The following ODAD4 variants were observed in gnomAD, a reference collection of about 807,000 sequenced individuals.
ODAD4 encodes the protein outer dynein arm-docking complex subunit 4.
In ODAD4, 49 loss-of-function variants were observed where a neutral mutation model predicts 51.8. The ratio of observed to expected loss-of-function variants is 0.95; its 90% confidence interval spans 0.75 to 1.20. The LOEUF (loss-of-function observed/expected upper bound fraction) is 1.20, where lower values mean the gene tolerates loss of function less well. Among genes scored for constraint, ODAD4 ranks in the 50% most tolerant of loss-of-function variants. ODAD4 has a pLI of 0.00. For missense variants in ODAD4, 590 were observed against 586.5 expected (o/e 1.01, Z -0.06); for synonymous variants, 235 against 221.3 (o/e 1.06, Z -0.55).
Position 41,938,612 on chromosome 17 carries a change from G to A in ODAD4, c.681G>A (p.Thr227=), listed in dbSNP as rs782085087. ...TGACTGTGGAGGACCTCATCATGAC[G>A]GGCATCAACTACCTGGATACTCACA... The part of the protein sequence containing the change: ...GGLTVEDLIM[T]GINYLDTHSN... Residue 227 remains threonine (T), a synonymous_variant, in exon 6 of 12, where the codon ACG becomes ACA. Transcript: ENST00000377540. 3.8e-5 allele frequency: 62 copies of A among 1,613,768 alleles called. No individual in the cohort carries two copies. The Middle Eastern group carries it at 6.6e-4, about 17-fold the overall frequency.
chr17:41,945,765 T>G (rs1391226646), intron 8 of ODAD4, among the ~76,000 whole-genome samples: 9 of 149,088 alleles, frequency 6.0e-5, no homozygotes, highest in Admixed American at 6.0e-4. Context: ...GCCGAACACG[T>G]TGGCACGTGC....
At chr17:41,946,201 A>G (rs2050583548) in intron 8 of ODAD4, among the ~76,000 whole-genome samples, 1 of 152,172 alleles carries the variant, frequency 6.6e-6, no homozygotes, top group African/African-American at 2.4e-5. Context: ...TTGTCTCTTA[A>G]TGTGCATGCC....
intron 8 of ODAD4, among the ~76,000 whole-genome samples, chr17:41,947,303 C>G (rs2050602112): frequency 1.4e-5 from 2 of 147,674 alleles, no homozygotes; most frequent in African/African-American, 2.5e-5. Context: ...GAAACACTGT[C>G]TCTACTAAAA....
intron 9 of ODAD4, among the ~76,000 whole-genome samples, chr17:41,954,507 C>G (rs551823811): frequency 1.3e-5 from 2 of 152,028 alleles, no homozygotes; most frequent in Non-Finnish European, 2.9e-5. Flanking sequence ...ATCCAGCCCT[C>G]TGTGCTTTGG....
At chr17:41,932,713 T>TTTTTC (rs1189650552) in intron 1 of ODAD4, among the ~76,000 whole-genome samples, 3 of 139,246 alleles carry the variant, frequency 2.2e-5, no homozygotes, top group Non-Finnish European at 4.6e-5. Flanking sequence ...CCTGGCTAAT[T>TTTTTC]TTTTCTTTTC....
intron 10 of ODAD4, among the ~76,000 whole-genome samples, chr17:41,957,708 G>T (rs2050751666): frequency 6.6e-6 from 1 of 152,160 alleles, no homozygotes; most frequent in African/African-American, 2.4e-5. Flanking sequence ...GCTTCCTGCT[G>T]GTCAGTCCCC....
Position 41,954,875 on chromosome 17 carries a change from C to T in ODAD4, c.1343-342C>T, listed in dbSNP as rs138989188. Among the ~76,000 whole-genome samples the T allele has an allele frequency of 2.0e-3, 308 of 151,476 alleles. 1 individual carries two copies. Among genetic ancestry groups the T allele is most frequent in the African/African-American group, 7.1e-3 (292 of 41,320 alleles). ...CAAAAAAAAAAAAAAAAAAATTCGT[C>T]TTCCAGAACAATCTAAAGATGGAGC... On this transcript the variant is annotated intron_variant, in intron 9 of 11. Coordinates refer to ENST00000377540, the MANE Select transcript of ODAD4 (RefSeq NM_031421.5).
At chr17:41,932,383 T>C (rs1411499995) in intron 1 of ODAD4, among the ~76,000 whole-genome samples, 1 of 152,112 alleles carries the variant, frequency 6.6e-6, no homozygotes, top group African/African-American at 2.4e-5. Context: ...TACTCAATTT[T>C]ATAGATTAGG....
intron 8 of ODAD4, among the ~76,000 whole-genome samples, chr17:41,947,011 T>C (rs1170444031): frequency 4.7e-4 from 71 of 151,578 alleles, no homozygotes; most frequent in African/African-American, 1.7e-3. Context: ...CCACCACGCC[T>C]GGCTAATTTT....
intron 1 of ODAD4, among the ~76,000 whole-genome samples, chr17:41,933,512 C>T (rs1271176996): frequency 2.6e-5 from 4 of 151,998 alleles, no homozygotes; most frequent in African/African-American, 9.7e-5. Flanking sequence ...ATCAACCGGA[C>T]GTGGTGGCGA....
Position 41,936,801 on chromosome 17 carries a change from C to T in ODAD4, c.499C>T (p.Leu167Phe), listed in dbSNP as rs1555637890. ...AQQKPQPMKH[L>F]LHPTKGEPKW... Reference sequence around the variant, plus strand: ...GCAGAAGCCTCAGCCCATGAAACACCTCTTACACCCCACCAAGGGAGAGCC... The same window carrying T: ...GCAGAAGCCTCAGCCCATGAAACACTTCTTACACCCCACCAAGGGAGAGCC... The change falls in exon 5 of 12, where the codon CTC (leucine) becomes TTC (phenylalanine). Residue 167 changes from leucine to phenylalanine, a missense_variant. Around this residue, in one of 3 missense-constraint regions of ODAD4, gnomAD observed 360 missense variants for 407.5 expected, o/e 0.88. Coordinates refer to ENST00000377540, the MANE Select transcript of ODAD4 (RefSeq NM_031421.5). The T allele has an allele frequency of 6.2e-7, 1 of 1,613,888 alleles. No individual in the cohort carries two copies. The highest frequency in any genetic ancestry group is 8.5e-7 in the Non-Finnish European group (1 of 1,179,904).
chr17:41,955,536 C>T (rs2050719480), intron 10 of ODAD4, among the ~76,000 whole-genome samples: 1 of 152,140 alleles, frequency 6.6e-6, no homozygotes, highest in African/African-American at 2.4e-5. Context: ...ACACCATTCT[C>T]CTGCCTCAGC....
chr17:41,956,772 G>C (rs901369925), intron 10 of ODAD4, among the ~76,000 whole-genome samples: 1 of 151,898 alleles, frequency 6.6e-6, no homozygotes, highest in Admixed American at 6.6e-5. Context: ...AAGTAGAGAC[G>C]GAGTCTCAGT....
chr17:41,963,347 A>G (rs1567941641), intron 11 of ODAD4, among the ~76,000 whole-genome samples: 1 of 152,064 alleles, frequency 6.6e-6, no homozygotes, highest in Non-Finnish European at 1.5e-5. Flanking sequence ...TTGTAAAATA[A>G]CTCTTCAGCT....
At chr17:41,957,028 C>T (rs1420035492) in intron 10 of ODAD4, among the ~76,000 whole-genome samples, 2 of 152,110 alleles carry the variant, frequency 1.3e-5, no homozygotes, top group Non-Finnish European at 2.9e-5. Context: ...CCTTAGCCTC[C>T]CATCTAGATG....
intron 11 of ODAD4, among the ~76,000 whole-genome samples, chr17:41,963,009 G>A (rs1567941507): frequency 6.6e-6 from 1 of 152,212 alleles, no homozygotes; most frequent in Non-Finnish European, 1.5e-5. Flanking sequence ...GCCCCCACAT[G>A]CCCTTTGAGC....
chr17:41,965,567 TCTG>T lies in ODAD4; in HGVS notation c.*85_*87del, dbSNP rs2050872925. Reference sequence around the variant, plus strand: ...TTAAACTGGATTTTCAAGCGATTTGTCTGTTATAGGAAAAATGAGGGTTTTACT... The same window carrying T: ...TTAAACTGGATTTTCAAGCGATTTGTTTATAGGAAAAATGAGGGTTTTACT... On this transcript the variant is annotated 3_prime_UTR_variant, in exon 12 of 12. Transcript: ENST00000377540. The T allele has an allele frequency of 1.5e-6, 1 of 665,112 alleles. No individual in the cohort carries two copies. Among genetic ancestry groups the T allele is most frequent in the Admixed American group, 2.6e-5 (1 of 39,064 alleles). 41.2% of individuals were successfully genotyped at this position (665,112 alleles called of 1,614,324 possible).
chr17:41,934,289 C>A (rs1327128921), intron 1 of ODAD4, among the ~76,000 whole-genome samples: 1 of 151,902 alleles, frequency 6.6e-6, no homozygotes, highest in Admixed American at 6.6e-5. Context: ...GACCCACCCA[C>A]CTTGGTCTCC....
In ODAD4 at chr17:41,959,727, ACAGT is replaced by A. The variant is rs139965150; in HGVS notation, c.1444-1651_1444-1648del. Among the ~76,000 whole-genome samples, 1,359 of 152,324 alleles carry A rather than the reference ACAGT, an allele frequency of 8.9e-3. 10 individuals are homozygous for A. Among genetic ancestry groups the A allele is most frequent in the Non-Finnish European group, 0.014 (968 of 68,024 alleles). ...GGGGATGGTGGTGACAGAGCCCCAG[ACAGT>A]CAGCACACCAGCCTGGACTTGAAGG... is the stretch of plus-strand genomic sequence containing the variant. On this transcript the variant is annotated intron_variant, in intron 10 of 11. Transcript: ENST00000377540.
Sources: allele counts gnomAD v4.1 joint callset (sites outside exome capture counted in the v4.1 genomes callset), GRCh38; gene constraint gnomAD v4.1.1; regional missense constraint gnomAD v4.1.1; transcripts MANE v1.5; gene names NCBI Gene and HGNC (gene_info 2026-07-23, HGNC 2026-07-21).